Variants in CWC27 observed in about 807,000 individuals in gnomAD.
CWC27 encodes the protein CWC27 spliceosome associated cyclophilin, also known as spliceosome-associated protein CWC27 homolog.
CWC27 carries 47 observed loss-of-function variants against 63.6 expected under a neutral mutation model. The observed-to-expected ratio is 0.74, with a 90% CI of 0.58 to 0.94. The LOEUF (loss-of-function observed/expected upper bound fraction) is 0.94, where lower values mean the gene tolerates loss of function less well. CWC27 is among the 40% of genes least tolerant of loss of function. The probability of loss-of-function intolerance (pLI) is 0.00; values close to 1 mark genes in which losing one functional copy is unlikely to be tolerated. For missense variants in CWC27, 495 were observed against 554.3 expected, an observed-to-expected ratio of 0.89 and a Z score of 1.07; for synonymous variants, 175 against 179.8, an observed-to-expected ratio of 0.97 and a Z score of 0.22.
chr5:64,794,486 T>G (rs908530222), intron 7 of CWC27, among the ~76,000 whole-genome samples: 3 of 152,086 alleles, frequency 2.0e-5, no homozygotes, highest in African/African-American at 7.2e-5. Flanking sequence ...ATAAGGATTT[T>G]AACATCCTCT....
chr5:64,937,921 C>CTTTTTTTTTTTTTTTTTTTTTT (rs1211082437), intron 11 of CWC27, among the ~76,000 whole-genome samples: 14 of 99,304 alleles, frequency 1.4e-4, no homozygotes, highest in African/African-American at 6.2e-4. Flanking sequence ...GCAATCTCTG[C>CTTTTTTTTTTTTTTTTTTTTTT]TTTTTTTTTT....
At chr5:64,869,096 T>G (rs1236135473) in intron 10 of CWC27, among the ~76,000 whole-genome samples, 1 of 152,014 alleles carries the variant, frequency 6.6e-6, no homozygotes, top group Non-Finnish European at 1.5e-5. Flanking sequence ...CAATTACAAT[T>G]TTTAATAAAT....
At chr5:64,914,785 G>T (rs986178138) in intron 11 of CWC27, among the ~76,000 whole-genome samples, 3 of 151,448 alleles carry the variant, frequency 2.0e-5, no homozygotes, top group Admixed American at 6.6e-5. Flanking sequence ...AGACATATGT[G>T]CACATGTACA....
intron 11 of CWC27, among the ~76,000 whole-genome samples, chr5:64,916,325 C>T (rs1747886721): frequency 6.6e-6 from 1 of 152,122 alleles, no homozygotes; most frequent in African/African-American, 2.4e-5. Flanking sequence ...GTCAAGAGTA[C>T]AGCCTTTAAA....
chr5:64,904,080 C>T (rs140462459), intron 11 of CWC27, among the ~76,000 whole-genome samples: 3 of 152,310 alleles, frequency 2.0e-5, no homozygotes, highest in African/African-American at 7.2e-5. Flanking sequence ...TGAGCAGTCT[C>T]CTCAAAGACC....
intron 11 of CWC27, among the ~76,000 whole-genome samples, chr5:64,961,957 G>A (rs1748919338): frequency 6.6e-6 from 1 of 152,144 alleles, no homozygotes; most frequent in Admixed American, 6.5e-5. Context: ...TTCAGGTAAT[G>A]ATGAATAGTC....
chr5:64,824,327 T>G (rs916857943), intron 10 of CWC27, among the ~76,000 whole-genome samples: 3 of 152,202 alleles, frequency 2.0e-5, no homozygotes, highest in Non-Finnish European at 4.4e-5. Flanking sequence ...ATTTACAATA[T>G]TAGAACTTTG....
chr5:64,920,878 A>G (rs1747983478), intron 11 of CWC27, among the ~76,000 whole-genome samples: 2 of 151,790 alleles, frequency 1.3e-5, no homozygotes, highest in Non-Finnish European at 1.5e-5. Context: ...GGGGTCTATC[A>G]ATTTTGTTTA....
chr5:64,914,937 CACA>C (rs1390388082), intron 11 of CWC27, among the ~76,000 whole-genome samples: 1 of 152,100 alleles, frequency 6.6e-6, no homozygotes, highest in Non-Finnish European at 1.5e-5. Context: ...TATAGCTGCA[CACA>C]ACAATGTAGA....
chr5:64,882,039 G>A (rs1746950542), intron 10 of CWC27, among the ~76,000 whole-genome samples: 1 of 152,142 alleles, frequency 6.6e-6, no homozygotes, highest in Non-Finnish European at 1.5e-5. Context: ...TTTATGTCAT[G>A]CCAAGTAAAT....
chr5:64,820,966 G>A (rs1745180641), intron 10 of CWC27, among the ~76,000 whole-genome samples: 1 of 146,330 alleles, frequency 6.8e-6, no homozygotes, highest in Admixed American at 6.7e-5. Flanking sequence ...TGCTTTTAAG[G>A]AGATTAAAAA....
At chr5:64,988,604 T>A (rs1749479056) in intron 13 of CWC27, among the ~76,000 whole-genome samples, 1 of 48,286 alleles carries the variant, frequency 2.1e-5, no homozygotes, top group Admixed American at 2.0e-4. Flanking sequence ...GTTAGACTAT[T>A]TTTTTTTTTT....
intron 7 of CWC27, among the ~76,000 whole-genome samples, chr5:64,799,713 G>A (rs1339784778): frequency 1.3e-5 from 2 of 151,732 alleles, no homozygotes; most frequent in Non-Finnish European, 2.9e-5. Flanking sequence ...TGAAATTAAA[G>A]CATTTAATAA....
In CWC27 at chr5:64,774,792, G is replaced by GAC; in HGVS notation, c.139+5_139+6insAC. ...TTATCCAACTTTGTTTGGAAGGTAT[G>GAC]TTGACTTTTATTCTACTGGAGAAAT... On this transcript the variant is annotated splice_donor_region_variant and intron_variant, in intron 2 of 13. Transcript: ENST00000381070. 1 of 599,010 alleles carries GAC rather than the reference G, an allele frequency of 1.7e-6. No homozygotes were observed. Among genetic ancestry groups the GAC allele is most frequent in the Non-Finnish European group, 2.3e-6 (1 of 425,832 alleles). 37.1% of individuals were successfully genotyped at this position (599,010 alleles called of 1,614,324 possible).
chr5:64,835,985 C>T (rs1444757453), intron 10 of CWC27, among the ~76,000 whole-genome samples: 1 of 151,746 alleles, frequency 6.6e-6, no homozygotes, highest in Non-Finnish European at 1.5e-5. Context: ...AATGATTAGA[C>T]ATTAAATTAC....
chr5:64,874,381 C>T (rs905922400), intron 10 of CWC27, among the ~76,000 whole-genome samples: 15 of 151,598 alleles, frequency 9.9e-5, no homozygotes, highest in Non-Finnish European at 1.0e-4. Context: ...AGGCTGGTCT[C>T]GAACTCCTGA....
chr5:65,003,286 A>G (rs1749767341), intron 13 of CWC27, among the ~76,000 whole-genome samples: 1 of 152,110 alleles, frequency 6.6e-6, no homozygotes, highest in African/African-American at 2.4e-5. Flanking sequence ...TACATTTGAG[A>G]TTATTATTGA....
intron 10 of CWC27, among the ~76,000 whole-genome samples, chr5:64,878,470 TA>T (rs397998002): frequency 0.2 from 5,118 of 26,126 alleles, 150 homozygotes; most frequent in Non-Finnish European, 0.24. Flanking sequence ...GGTTACAGAT[TA>T]AAAAAAAAAA....
chr5:64,880,853 C>CTTTTTTTTTTTTTTTTTTTTTTT (rs571051416), intron 10 of CWC27, among the ~76,000 whole-genome samples: 1 of 136,080 alleles, frequency 7.3e-6, no homozygotes. Context: ...TTATAAAAGC[C>CTTTTTTTTTTTTTTTTTTTTTTT]ATTTTTTTTT....
Sources: allele counts gnomAD v4.1 joint callset (sites outside exome capture counted in the v4.1 genomes callset), GRCh38; gene constraint gnomAD v4.1.1; transcripts MANE v1.5; gene names NCBI Gene and HGNC (gene_info 2026-07-23, HGNC 2026-07-21).